PEAK1: variants seen among roughly 807,000 people sequenced by gnomAD.
The protein encoded by PEAK1 is pseudopodium enriched atypical kinase 1.
A neutral mutation model predicts 124.7 loss-of-function variants in PEAK1; 54 were observed. The ratio of observed to expected loss-of-function variants is 0.43; its 90% CI spans 0.35 to 0.54. The LOEUF (loss-of-function observed/expected upper bound fraction) is 0.54, where lower values mean the gene tolerates loss of function less well. Ranked by LOEUF, PEAK1 falls within the 20% of genes least tolerant of loss-of-function variation. The pLI is 0.01. For synonymous variants in PEAK1, 719 were observed against 760.0 expected (o/e 0.95, Z 0.89); for missense variants, 2,046 against 2,134.5 (o/e 0.96, Z 0.82).
rs1247364779 is a variant in PEAK1, at chr15:77,180,552, C to T, written c.1375G>A (p.Ala459Thr). Residue 459 changes from alanine to threonine, a missense_variant, in exon 7 of 10, where the codon GCA becomes ACA. Transcript: ENST00000682557. ...TINLVPTEEQ[A>T]KPYRVVNLEQ... Reference sequence around the variant, plus strand: ...AGGTTCACAACTCGGTAAGGTTTTGCTTGCTCTTCTGTGGGGACAAGGTTT... The same window carrying T: ...AGGTTCACAACTCGGTAAGGTTTTGTTTGCTCTTCTGTGGGGACAAGGTTT... The T allele has an allele frequency of 1.9e-6, 3 of 1,614,064 alleles. No individual in the cohort carries two copies. Among genetic ancestry groups the T allele is most frequent in the South Asian group, 1.1e-5 (1 of 91,082 alleles).
intron 2 of PEAK1, chr15:77,347,553 A>G: frequency 1.0e-6 from 1 of 985,412 alleles, no homozygotes; most frequent in Non-Finnish European, 1.2e-6. Flanking sequence ...CTCCAATCAC[A>G]AAGGAATGTT....
intron 2 of PEAK1, chr15:77,352,755 A>G (rs1173864312): frequency 4.1e-6 from 4 of 967,306 alleles, no homozygotes; most frequent in African/African-American, 1.8e-5. Flanking sequence ...TATTTTCCCT[A>G]TAAGACAGAC....
intron 2 of PEAK1, among the ~76,000 whole-genome samples, chr15:77,317,164 T>C (rs1351795781): frequency 6.6e-6 from 1 of 152,138 alleles, no homozygotes; most frequent in Non-Finnish European, 1.5e-5. Flanking sequence ...GCTTACTATG[T>C]GCATAGAAAA....
chr15:77,300,790 C>T (rs1043216415), intron 2 of PEAK1, among the ~76,000 whole-genome samples: 1 of 152,070 alleles, frequency 6.6e-6, no homozygotes, highest in Non-Finnish European at 1.5e-5. Flanking sequence ...TATTCGTTTC[C>T]TGTGGCTGTT....
chr15:77,382,109 T>TC (rs1323307603), intron 1 of PEAK1, among the ~76,000 whole-genome samples: 1 of 152,042 alleles, frequency 6.6e-6, no homozygotes, highest in African/African-American at 2.4e-5. Flanking sequence ...ACTCATACCC[T>TC]CCCTCCCTCC....
intron 8 of PEAK1, among the ~76,000 whole-genome samples, chr15:77,135,197 A>G (rs1265187942): frequency 1.3e-5 from 2 of 152,224 alleles, no homozygotes; most frequent in African/African-American, 4.8e-5. Flanking sequence ...CAGCAGTCCT[A>G]GGAAACTCAT....
intron 6 of PEAK1, among the ~76,000 whole-genome samples, chr15:77,210,577 T>C (rs12915165): frequency 0.077 from 11,721 of 152,242 alleles, 563 homozygotes; most frequent in Non-Finnish European, 0.1. Flanking sequence ...AGAGAAATCA[T>C]TGATTAAGAA....
At chr15:77,184,828 C>T (rs1035251267) in intron 6 of PEAK1, among the ~76,000 whole-genome samples, 3 of 152,042 alleles carry the variant, frequency 2.0e-5, no homozygotes, top group Non-Finnish European at 4.4e-5. Flanking sequence ...ACCTGGGTGG[C>T]GGAGGTTGCA....
intron 2 of PEAK1, among the ~76,000 whole-genome samples, chr15:77,353,256 A>G (rs988247665): frequency 1.3e-5 from 2 of 152,242 alleles, no homozygotes; most frequent in Admixed American, 1.3e-4. Context: ...GCTTGTTACC[A>G]ACAGACTGTG....
chr15:77,265,559 C>G (rs183327248), intron 5 of PEAK1, among the ~76,000 whole-genome samples: 1 of 152,118 alleles, frequency 6.6e-6, no homozygotes. Context: ...CAATGAGATA[C>G]CATCTCACAC....
chr15:77,350,723 C>A (rs148850669), intron 2 of PEAK1: 1 of 985,186 alleles, frequency 1.0e-6, no homozygotes, highest in East Asian at 1.1e-4. Context: ...CCACAGAAAT[C>A]AGAATGATCA....
At chr15:77,333,440 T>C (rs1443304481) in intron 2 of PEAK1, 11 of 958,584 alleles carry the variant, frequency 1.1e-5, no homozygotes, top group Non-Finnish European at 1.4e-5. Context: ...TGCTTGTATA[T>C]TTCTTTTCTC....
chr15:77,365,301 A>G, intron 1 of PEAK1, 76 bp from the exon 2 acceptor site: 2 of 540,204 alleles, frequency 3.7e-6, no homozygotes, highest in Non-Finnish European at 4.7e-6. Context: ...AATTATTTCA[A>G]TAGAACCCTA....
At chr15:77,415,417 CT>C (rs1238150278) in intron 1 of PEAK1, among the ~76,000 whole-genome samples, 5 of 152,136 alleles carry the variant, frequency 3.3e-5, no homozygotes, top group African/African-American at 1.2e-4. Context: ...TTTTACCTGG[CT>C]TTTTTGTTTG....
intron 9 of PEAK1, among the ~76,000 whole-genome samples, chr15:77,128,949 A>G (rs956545547): frequency 1.3e-5 from 2 of 152,224 alleles, no homozygotes; most frequent in Non-Finnish European, 2.9e-5. Flanking sequence ...GGTTAGAGGT[A>G]GAGTGCTATG....
At chr15:77,333,810 T>C (rs1460621710) in intron 2 of PEAK1, 3 of 811,630 alleles carry the variant, frequency 3.7e-6, no homozygotes, top group Non-Finnish European at 3.0e-6. Context: ...TGCAGATTTA[T>C]AAAAATCTTC....
At chr15:77,353,103 CT>C in intron 2 of PEAK1, 1 of 457,298 alleles carries the variant, frequency 2.2e-6, no homozygotes, top group South Asian at 9.2e-5. Flanking sequence ...ACATGCACTG[CT>C]TTTCAATATC....
chr15:77,411,628 T>G (rs1186951763), intron 1 of PEAK1, among the ~76,000 whole-genome samples: 1 of 152,202 alleles, frequency 6.6e-6, no homozygotes, highest in Non-Finnish European at 1.5e-5. Flanking sequence ...TTTTTTTAAA[T>G]ACAGTCTTGC....
chr15:77,211,228 C>T (rs2058888502), intron 6 of PEAK1, among the ~76,000 whole-genome samples: 1 of 152,148 alleles, frequency 6.6e-6, no homozygotes, highest in Non-Finnish European at 1.5e-5. Context: ...AGTATACTGT[C>T]CCTAGTGTTA....
Sources: allele counts gnomAD v4.1 joint callset (sites outside exome capture counted in the v4.1 genomes callset), GRCh38; gene constraint gnomAD v4.1.1; transcripts MANE v1.5; gene names NCBI Gene and HGNC (gene_info 2026-07-23, HGNC 2026-07-21).